The following GPHN variants were observed in gnomAD, a reference collection of about 807,000 sequenced individuals.
The protein encoded by GPHN is gephyrin.
In GPHN, 17 loss-of-function variants were observed where a neutral mutation model predicts 95.5. The observed-to-expected ratio is 0.18, with a 90% CI of 0.12 to 0.27. The LOEUF (loss-of-function observed/expected upper bound fraction) is 0.27. GPHN is among the 10% of genes least tolerant of loss of function. The pLI, the probability that GPHN is intolerant of heterozygous loss-of-function variation, is 1.00. For synonymous variants in GPHN, 320 were observed against 322.5 expected (o/e 0.99, Z 0.08); for missense variants, 660 against 978.1 (o/e 0.67, Z 4.34).
chr14:67,366,961 C>T, the GPHN span, among the ~76,000 whole-genome samples: 2 of 151,814 alleles, frequency 1.3e-5, no homozygotes, highest in Non-Finnish European at 1.5e-5. Context: ...GAACTGGAGG[C>T]GAGAGTTGTA....
At chr14:67,179,468 C>A in intron 21 of GPHN, 110 bp from the exon 22 acceptor site, 2 of 721,474 alleles carry the variant, frequency 2.8e-6, no homozygotes, top group East Asian at 5.3e-5. Context: ...GACAGAATAC[C>A]AAGGTTAGTC....
At chr14:67,156,192 T>A (rs987890255) in intron 18 of GPHN, among the ~76,000 whole-genome samples, 4 of 152,302 alleles carry the variant, frequency 2.6e-5, no homozygotes, top group African/African-American at 9.6e-5. Context: ...AAAATAATAA[T>A]GTCTTGTGAG....
At chr14:66,885,714 C>T (rs2064151957) in intron 5 of GPHN, among the ~76,000 whole-genome samples, 1 of 151,816 alleles carries the variant, frequency 6.6e-6, no homozygotes. Flanking sequence ...AAGGCAGCTA[C>T]ATATATGGGG....
chr14:67,272,471 T>C, the GPHN span, among the ~76,000 whole-genome samples: 1 of 152,228 alleles, frequency 6.6e-6, no homozygotes, highest in Non-Finnish European at 1.5e-5. Context: ...TGTGAACTGC[T>C]TGCAGTGTTG....
At chr14:66,868,230 A>G (rs1406637816) in intron 4 of GPHN, among the ~76,000 whole-genome samples, 1 of 152,204 alleles carries the variant, frequency 6.6e-6, no homozygotes, top group East Asian at 1.9e-4. Context: ...TATTAAATCT[A>G]CCTAATCAGG....
At chr14:66,992,540 T>C (rs1250380753) in intron 9 of GPHN, among the ~76,000 whole-genome samples, 1 of 152,196 alleles carries the variant, frequency 6.6e-6, no homozygotes, top group African/African-American at 2.4e-5. Context: ...GAAATAGTGC[T>C]AATATAAATA....
At chr14:67,397,683 G>A in the GPHN span, 2 of 1,612,396 alleles carry the variant, frequency 1.2e-6, no homozygotes, top group South Asian at 1.1e-5. Context: ...CATACTCCAG[G>A]CAGGGGCAGG....
the GPHN span, chr14:67,302,064 T>C: frequency 1.9e-6 from 3 of 1,609,304 alleles, no homozygotes; most frequent in Middle Eastern, 1.6e-4. Flanking sequence ...TTGGCCAGTA[T>C]GGAGGAGAAA....
the GPHN span, among the ~76,000 whole-genome samples, chr14:67,426,584 G>T: frequency 6.6e-6 from 1 of 151,798 alleles, no homozygotes. Flanking sequence ...GTTTTGTTTT[G>T]TTTTTTTTGA....
At chr14:67,506,779 A>T in the GPHN span, among the ~76,000 whole-genome samples, 1 of 152,156 alleles carries the variant, frequency 6.6e-6, no homozygotes, top group Non-Finnish European at 1.5e-5. Flanking sequence ...AAGTAAAGAG[A>T]TCGAGACCAT....
chr14:66,909,544 A>G (rs1331898150), intron 5 of GPHN, among the ~76,000 whole-genome samples: 7 of 152,074 alleles, frequency 4.6e-5, no homozygotes, highest in Non-Finnish European at 8.8e-5. Flanking sequence ...CACTGCATTA[A>G]CAGATTAAGG....
chr14:67,557,511 G>T, the GPHN span: 1 of 1,217,988 alleles, frequency 8.2e-7, no homozygotes. Context: ...AAGCCCTCTA[G>T]TGCTGGGGAA....
intron 10 of GPHN, among the ~76,000 whole-genome samples, chr14:67,042,345 G>A (rs1030792231): frequency 2.6e-5 from 4 of 152,086 alleles, no homozygotes; most frequent in African/African-American, 9.7e-5. Context: ...TTTCTTCTAG[G>A]ATTTTTATGG....
chr14:66,580,380 A>G (rs1309328772), intron 1 of GPHN, among the ~76,000 whole-genome samples: 1 of 151,858 alleles, frequency 6.6e-6, no homozygotes, highest in Admixed American at 6.6e-5. Context: ...TGAAGTAGAA[A>G]TTATAAAAGC....
intron 12 of GPHN, among the ~76,000 whole-genome samples, chr14:67,091,151 A>G (rs2077131698): frequency 6.6e-6 from 1 of 151,868 alleles, no homozygotes; most frequent in African/African-American, 2.4e-5. Flanking sequence ...TTTCATTTCC[A>G]CTAATGTATT....
intron 1 of GPHN, among the ~76,000 whole-genome samples, chr14:66,552,262 T>C (rs2059841292): frequency 6.6e-6 from 1 of 152,234 alleles, no homozygotes; most frequent in South Asian, 2.1e-4. Context: ...ACTTTCTACT[T>C]CACTGTTCCC....
At chr14:66,831,546 C>T (rs1304850934) in intron 4 of GPHN, among the ~76,000 whole-genome samples, 2 of 152,190 alleles carry the variant, frequency 1.3e-5, no homozygotes, top group East Asian at 3.9e-4. Flanking sequence ...TGTCTAAACA[C>T]GTTGGCATGC....
chr14:66,840,837 G>T (rs1021160282), intron 4 of GPHN, among the ~76,000 whole-genome samples: 5 of 150,930 alleles, frequency 3.3e-5, no homozygotes, highest in African/African-American at 1.2e-4. Context: ...GTACACTGGC[G>T]TCTGCTCTGT....
At chr14:67,290,952 G>A in the GPHN span, among the ~76,000 whole-genome samples, 1 of 152,118 alleles carries the variant, frequency 6.6e-6, no homozygotes, top group South Asian at 2.1e-4. Flanking sequence ...TTAAATAGAA[G>A]TTAAATAAAG....
Sources: allele counts gnomAD v4.1 joint callset (sites outside exome capture counted in the v4.1 genomes callset), GRCh38; gene constraint gnomAD v4.1.1; transcripts MANE v1.5; gene names NCBI Gene and HGNC (gene_info 2026-07-23, HGNC 2026-07-21).